MMP20: variants seen among roughly 807,000 people sequenced by gnomAD.
The protein encoded by MMP20 is matrix metallopeptidase 20, also known as matrix metalloproteinase-20.
Under a neutral mutation model 51.8 loss-of-function variants are expected in MMP20, and 50 were observed. That is an observed-to-expected ratio of 0.97 (90% CI 0.77 to 1.22). The LOEUF (loss-of-function observed/expected upper bound fraction) is 1.22, where lower values mean the gene tolerates loss of function less well. Ranked by LOEUF, MMP20 falls within the 50% of genes most tolerant of loss-of-function variation. The pLI is 0.00. For missense variants in MMP20, 663 were observed against 601.4 expected (o/e 1.10, Z -1.07); for synonymous variants, 244 against 216.2 (o/e 1.13, Z -1.13).
chr11:102,614,851 G>A (rs1859647771), intron 2 of MMP20, among the ~76,000 whole-genome samples: 1 of 151,818 alleles, frequency 6.6e-6, no homozygotes, highest in South Asian at 2.1e-4. Context: ...TTTCTGTGTT[G>A]TAAATATTCT....
chr11:102,599,908 G>A lies in MMP20; in HGVS notation c.954-5151C>T, dbSNP rs139402571. ...TTAATGATAGTCAAAGCTGTGCATA[G>A]TGCCCTTAAATTAAGAATGTTTGTA... On this transcript the variant is annotated intron_variant, in intron 6 of 9. Transcript: ENST00000260228. Among the ~76,000 whole-genome samples the A allele has an allele frequency of 4.6e-5, 7 of 152,312 alleles. No individual in the cohort carries two copies. In the East Asian group the frequency reaches 1.3e-3, roughly 29 times the overall value.
At chr11:102,606,861 A>G (rs902483205) in intron 5 of MMP20, 185 bp from the exon 6 acceptor site, 4 of 646,942 alleles carry the variant, frequency 6.2e-6, no homozygotes, top group Non-Finnish European at 1.1e-5. Flanking sequence ...GATTTGAGGC[A>G]CATTATTCAA....
Position 102,593,465 on chromosome 11 carries a change from A to G in MMP20, c.1221T>C (p.Leu407=), listed in dbSNP as rs1218832593. 1 of 1,614,036 alleles carries G rather than the reference A, an allele frequency of 6.2e-7. No individual in the cohort carries two copies. Among genetic ancestry groups the G allele is most frequent in the African/African-American group, 1.3e-5 (1 of 74,940 alleles). ...TGTAGTATTCATCTCCCACAAAGAA[A>G]AGGGTCTTCTGTGGCTCCCTGAGGT... The part of the protein sequence containing the change: ...AVYLREPQKT[L]FFVGDEYYSY... The change falls in exon 8 of 10, where the codon CTT becomes CTC. Residue 407 remains leucine, a synonymous_variant. Transcript: ENST00000260228.
At chr11:102,595,252 A>G (rs1429254844) in intron 6 of MMP20, among the ~76,000 whole-genome samples, 1 of 152,090 alleles carries the variant, frequency 6.6e-6, no homozygotes, top group African/African-American at 2.4e-5. Context: ...TTTAAGGAAA[A>G]ACACAACTTT....
chr11:102,577,139 A>G lies in MMP20; in HGVS notation c.*187T>C, dbSNP rs1465832645. 5.2e-6 allele frequency: 3 copies of G among 578,548 alleles called. No homozygotes were observed. Among genetic ancestry groups the G allele is most frequent in the Admixed American group, 3.0e-5 (1 of 33,434 alleles). The allele number at this position is 578,548 out of a possible 1,614,324, so 35.8% of individuals were successfully genotyped here. ...AGTTGCCCATATAAAAACTTTTCTA[A>G]TGTGGATTGAAATTCTGATTATACA... On this transcript the variant is annotated 3_prime_UTR_variant, in exon 10 of 10. Transcript: ENST00000260228.
intron 6 of MMP20, 92 bp from the exon 7 acceptor site, chr11:102,594,849 G>A: frequency 2.0e-6 from 3 of 1,496,718 alleles, no homozygotes; most frequent in Non-Finnish European, 2.7e-6. Flanking sequence ...TGTACTCAGA[G>A]GCCACTCACT....
At chr11:102,620,711 A>G (rs2135949053) in intron 1 of MMP20, among the ~76,000 whole-genome samples, 1 of 152,306 alleles carries the variant, frequency 6.6e-6, no homozygotes. Flanking sequence ...AGTACGCTCC[A>G]GGACAGGGTG....
At chr11:102,614,301 C>T (rs1362156889) in intron 2 of MMP20, among the ~76,000 whole-genome samples, 3 of 152,184 alleles carry the variant, frequency 2.0e-5, no homozygotes, top group Admixed American at 6.5e-5. Flanking sequence ...AGTAGCTACA[C>T]AGGCAGAGTA....
chr11:102,620,017 T>C lies in MMP20; in HGVS notation c.127-2958A>G, dbSNP rs1426183111. On this transcript the variant is annotated intron_variant, in intron 1 of 9. Coordinates refer to ENST00000260228, the MANE Select transcript of MMP20 (RefSeq NM_004771.4). Reference sequence around the variant, plus strand: ...CTCCCTAGTTGGTGCTTCCATAAGATGTGATTCTTGTTCTAGTAAAACACT... The same window carrying C: ...CTCCCTAGTTGGTGCTTCCATAAGACGTGATTCTTGTTCTAGTAAAACACT... Among the ~76,000 whole-genome samples, 2 of 152,164 alleles carry C rather than the reference T, an allele frequency of 1.3e-5. 1 individual carries two copies.
At chr11:102,593,943 T>C (rs1221599063) in intron 7 of MMP20, among the ~76,000 whole-genome samples, 2 of 152,242 alleles carry the variant, frequency 1.3e-5, no homozygotes, top group Non-Finnish European at 2.9e-5. Context: ...TGTCATGATT[T>C]TTACTTAAAT....
intron 1 of MMP20, among the ~76,000 whole-genome samples, chr11:102,620,649 G>T (rs567191401): frequency 1.3e-5 from 2 of 152,270 alleles, no homozygotes; most frequent in South Asian, 2.1e-4. Context: ...CCCTTATTCC[G>T]TGCATTTTCC....
intron 6 of MMP20, among the ~76,000 whole-genome samples, chr11:102,595,588 A>T (rs1859372219): frequency 6.6e-6 from 1 of 152,220 alleles, no homozygotes; most frequent in Admixed American, 6.5e-5. Context: ...TAGCGAAAAC[A>T]TTAATAATCA....
In MMP20 at chr11:102,610,047, A is replaced by G; in HGVS notation, c.524-17T>C. On this transcript the variant is annotated splice_polypyrimidine_tract_variant and intron_variant, in intron 3 of 9. Transcript: ENST00000260228. ...CCCCGTGATCTAAACAAGTGGGGAGAAAGGCCAACAAGATTGAGTCCTTCT... is the reference window on the plus strand; with the variant it reads ...CCCCGTGATCTAAACAAGTGGGGAGGAAGGCCAACAAGATTGAGTCCTTCT... 1 of 1,613,864 alleles carries G rather than the reference A, an allele frequency of 6.2e-7. No homozygotes were observed. The highest frequency in any genetic ancestry group is 8.5e-7 in the Non-Finnish European group (1 of 1,179,920).
chr11:102,611,250 T>C (rs1430541581), intron 3 of MMP20, among the ~76,000 whole-genome samples: 4 of 152,198 alleles, frequency 2.6e-5, no homozygotes, highest in Non-Finnish European at 4.4e-5. Flanking sequence ...GGCAGACCTC[T>C]TGCATATCTC....
chr11:102,603,160 C>T (rs1859470116), intron 6 of MMP20, among the ~76,000 whole-genome samples: 1 of 152,142 alleles, frequency 6.6e-6, no homozygotes. Flanking sequence ...GTTATTATGC[C>T]CACAGCTTGA....
At chr11:102,581,885 T>C (rs1485806127) in intron 8 of MMP20, among the ~76,000 whole-genome samples, 1 of 152,206 alleles carries the variant, frequency 6.6e-6, no homozygotes, top group Non-Finnish European at 1.5e-5. Context: ...ATACAATTTT[T>C]ATTGAGAATC....
intron 6 of MMP20, among the ~76,000 whole-genome samples, chr11:102,595,894 T>G (rs139831516): frequency 1.3e-5 from 2 of 152,238 alleles, no homozygotes; most frequent in Non-Finnish European, 2.9e-5. Context: ...ACAGGATTAT[T>G]TGGGGACTGG....
intron 8 of MMP20, among the ~76,000 whole-genome samples, chr11:102,580,472 C>T (rs999515777): frequency 6.6e-6 from 1 of 152,180 alleles, no homozygotes. Flanking sequence ...TATGACTACA[C>T]AGGCCAGGGA....
At chr11:102,600,766 G>A (rs1859436048) in intron 6 of MMP20, among the ~76,000 whole-genome samples, 1 of 152,058 alleles carries the variant, frequency 6.6e-6, no homozygotes. Context: ...GATTACAGGT[G>A]TGAGCCATTG....
Sources: allele counts gnomAD v4.1 joint callset (sites outside exome capture counted in the v4.1 genomes callset), GRCh38; gene constraint gnomAD v4.1.1; transcripts MANE v1.5; gene names NCBI Gene and HGNC (gene_info 2026-07-23, HGNC 2026-07-21).